The following LAMA2 variants were observed in gnomAD, a reference collection of about 807,000 sequenced individuals.
LAMA2 encodes the protein laminin subunit alpha 2, also known as laminin subunit alpha-2.
LAMA2 carries 269 observed loss-of-function variants against 364.8 expected under a neutral mutation model. The ratio of observed to expected loss-of-function variants is 0.74; its 90% confidence interval spans 0.67 to 0.82. The LOEUF (loss-of-function observed/expected upper bound fraction) is 0.82, where lower values mean the gene tolerates loss of function less well. Among genes scored for constraint, LAMA2 ranks in the 40% least tolerant of loss-of-function variants. LAMA2 has a pLI of 0.00. For synonymous variants in LAMA2, 1,379 were observed against 1,370.6 expected, an observed-to-expected ratio of 1.01 and a Z score of -0.14; for missense variants, 3,807 against 3,873.2, an observed-to-expected ratio of 0.98 and a Z score of 0.45.
intron 41 of LAMA2, among the ~76,000 whole-genome samples, chr6:129,438,129 G>A (rs1781925874): frequency 6.6e-6 from 1 of 151,584 alleles, no homozygotes. Flanking sequence ...TATCAGATAT[G>A]TGCTAAATGT....
chr6:129,504,982 G>A (rs1270014702), intron 60 of LAMA2, among the ~76,000 whole-genome samples: 1 of 152,126 alleles, frequency 6.6e-6, no homozygotes, highest in African/African-American at 2.4e-5. Flanking sequence ...GGAAAATTTG[G>A]TATTCTTTTG....
chr6:129,253,995 A>G (rs1336368936), intron 14 of LAMA2, among the ~76,000 whole-genome samples: 1 of 152,228 alleles, frequency 6.6e-6, no homozygotes, highest in Non-Finnish European at 1.5e-5. Flanking sequence ...GGTGAGCTGA[A>G]AGTCGGCATG....
rs555044445 is a variant in LAMA2, at chr6:129,170,743, C to G, written c.1306+5068C>G. ...TGTTGACTTCTTGTTGACTTTCTGT[C>G]TCGTTGATCTGTCTAATGTTGACAG... On this transcript the variant is annotated intron_variant, in intron 9 of 64. Transcript: ENST00000421865. 4.6e-5 allele frequency among the ~76,000 whole-genome samples: 7 copies of G among 152,080 alleles called. No individual in the cohort carries two copies. In the East Asian group the frequency reaches 1.4e-3, roughly 29 times the overall value.
At position 129,465,187 on chromosome 6, in the gene LAMA2, G is replaced by A. The variant is rs966335278; in HGVS notation, c.7198G>A (p.Val2400Ile). The change falls in exon 51 of 65, where the codon GTC becomes ATC. Residue 2400 changes from valine to isoleucine, a missense_variant. Coordinates refer to ENST00000421865, the MANE Select transcript of LAMA2 (RefSeq NM_000426.4). Reference protein sequence around the residue: ...SVELTDGHIKVSYDLGSGMAS... With the variant: ...SVELTDGHIKISYDLGSGMAS... ...GGAGCTCACTGATGGGCACATAAAA[G>A]TCAGTTACGATCTGGGCTCAGGAAT... is the stretch of plus-strand genomic sequence containing the variant. The A allele has an allele frequency of 1.9e-6, 3 of 1,611,178 alleles. No individual in the cohort carries two copies. In the African/African-American group the frequency reaches 4.0e-5, roughly 22 times the overall value.
At chr6:129,442,872 G>A in intron 43 of LAMA2, 191 bp from the exon 44 acceptor site, 1 of 560,890 alleles carries the variant, frequency 1.8e-6, no homozygotes, top group African/African-American at 1.9e-5. Context: ...ACAAATAGTG[G>A]CCACTAAATT....
intron 18 of LAMA2, among the ~76,000 whole-genome samples, chr6:129,287,413 G>C (rs1789345367): frequency 6.6e-6 from 1 of 152,086 alleles, no homozygotes; most frequent in Non-Finnish European, 1.5e-5. Flanking sequence ...TTCCTTGCGA[G>C]CCTGTTTCCT....
At chr6:129,472,572 C>A (rs6569603) in intron 51 of LAMA2, among the ~76,000 whole-genome samples, 66,213 of 151,650 alleles carry the variant, frequency 0.44, 14,741 homozygotes, top group African/African-American at 0.52. Context: ...TTATCTTCAT[C>A]ACATTAAAAA....
At chr6:129,505,133 T>C (rs1462606534) in intron 60 of LAMA2, 67 bp from the exon 61 acceptor site, 2 of 1,370,294 alleles carry the variant, frequency 1.5e-6, no homozygotes, top group Non-Finnish European at 2.1e-6. Context: ...AGAGTCCTTA[T>C]GTCTTATACT....
At chr6:129,309,674 T>C (rs1181729023) in intron 22 of LAMA2, among the ~76,000 whole-genome samples, 1 of 152,198 alleles carries the variant, frequency 6.6e-6, no homozygotes, top group African/African-American at 2.4e-5. Context: ...TGAAATTTGA[T>C]TCTACATCTG....
intron 40 of LAMA2, among the ~76,000 whole-genome samples, chr6:129,419,251 A>G (rs1030004172): frequency 2.0e-5 from 3 of 152,116 alleles, no homozygotes; most frequent in Non-Finnish European, 2.9e-5. Context: ...AATGCAATCT[A>G]AGTTTGATCT....
intron 18 of LAMA2, among the ~76,000 whole-genome samples, chr6:129,281,173 G>A (rs1289937514): frequency 6.6e-6 from 1 of 152,068 alleles, no homozygotes; most frequent in Admixed American, 6.6e-5. Flanking sequence ...GAAACAAGCA[G>A]CATTTATTTG....
chr6:129,291,609 T>A lies in LAMA2; in HGVS notation c.2750-5T>A. ...CCTGATCACAGGTCTCTCTTCTCTT[T>A]GCAGCCTGTCGCTGTAATGCCGGTG... On this transcript the variant is annotated splice_polypyrimidine_tract_variant and splice_region_variant and intron_variant, in intron 19 of 64. Transcript: ENST00000421865. 1 of 1,610,912 alleles carries A rather than the reference T, an allele frequency of 6.2e-7. No individual in the cohort carries two copies. The highest frequency in any genetic ancestry group is 8.5e-7 in the Non-Finnish European group (1 of 1,177,120).
chr6:129,093,558 C>G (rs1774981013), intron 3 of LAMA2, among the ~76,000 whole-genome samples: 1 of 152,078 alleles, frequency 6.6e-6, no homozygotes, highest in African/African-American at 2.4e-5. Flanking sequence ...TGATCATTGT[C>G]CGTTGCTTAT....
chr6:129,421,831 A>T (rs911892763), intron 40 of LAMA2, among the ~76,000 whole-genome samples: 2 of 151,968 alleles, frequency 1.3e-5, no homozygotes, highest in African/African-American at 4.8e-5. Flanking sequence ...TAACCTCTCA[A>T]TTCCACGGTG....
At position 129,512,424 on chromosome 6, in the gene LAMA2, G is replaced by A. The variant is rs771954617; in HGVS notation, c.8919G>A (p.Thr2973=). 30 of 1,613,154 alleles carry A rather than the reference G, an allele frequency of 1.9e-5. No individual in the cohort carries two copies. The highest frequency in any genetic ancestry group is 1.5e-4 in the Admixed American group (9 of 59,982). Residue 2973 remains threonine (T), a synonymous_variant, in exon 63 of 65, where the codon ACG becomes ACA. Transcript: ENST00000421865. ...LVEFEFRTTT[T]TGVLLGISSQ... ...AATTTGAATTCCGCACAACTACAAC[G>A]ACTGGAGTTCTTCTGGGGATCAGTA...
chr6:129,292,173 C>T (rs546058112), intron 20 of LAMA2, among the ~76,000 whole-genome samples: 2 of 152,194 alleles, frequency 1.3e-5, no homozygotes, highest in African/African-American at 4.8e-5. Flanking sequence ...GGTGAAACAC[C>T]ATCTCTGCTA....
chr6:128,884,955 T>G (rs1200002062), intron 1 of LAMA2, among the ~76,000 whole-genome samples: 2 of 152,156 alleles, frequency 1.3e-5, no homozygotes, highest in Non-Finnish European at 2.9e-5. Flanking sequence ...AGGATTTCTC[T>G]TTTTTCCTCT....
chr6:129,388,467 A>G (rs900855534), intron 35 of LAMA2, among the ~76,000 whole-genome samples: 4 of 152,206 alleles, frequency 2.6e-5, no homozygotes, highest in Admixed American at 1.3e-4. Flanking sequence ...TCCAAAAGAT[A>G]CAGCCATATT....
intron 41 of LAMA2, among the ~76,000 whole-genome samples, chr6:129,429,881 T>A (rs771306186): frequency 7.2e-5 from 11 of 152,256 alleles, no homozygotes; most frequent in Non-Finnish European, 1.5e-4. Flanking sequence ...AGAATTTTAT[T>A]TTCAGCCATT....
Sources: gnomAD v4.1 joint callset for allele counts (sites outside exome capture counted in the v4.1 genomes callset) on GRCh38, gnomAD v4.1.1 for gene constraint, MANE v1.5 for transcripts, NCBI Gene and HGNC (gene_info 2026-07-23, HGNC 2026-07-21) for gene names.